The following COL5A2 variants were observed in gnomAD, a reference collection of about 807,000 sequenced individuals.
The protein encoded by COL5A2 is collagen type V alpha 2 chain.
A neutral mutation model predicts 208.2 loss-of-function variants in COL5A2; 23 were observed. That is an observed-to-expected ratio of 0.11 (90% CI 0.08 to 0.16). COL5A2 has a LOEUF of 0.16. Ranked by LOEUF, COL5A2 falls within the 10% of genes least tolerant of loss-of-function variation. The probability of loss-of-function intolerance (pLI) is 1.00; values close to 1 mark genes in which losing one functional copy is unlikely to be tolerated. For missense variants in COL5A2, 1,590 were observed against 1,956.4 expected, an observed-to-expected ratio of 0.81 and a Z score of 3.53; for synonymous variants, 625 against 628.5, an observed-to-expected ratio of 0.99 and a Z score of 0.08.
Position 189,068,207 on chromosome 2 carries a change from C to G in COL5A2, c.1302+19G>C, listed in dbSNP as rs768849298. 6 of 1,613,016 alleles carry G rather than the reference C, an allele frequency of 3.7e-6. No homozygotes were observed. In the South Asian group the frequency reaches 6.6e-5, roughly 18 times the overall value. On this transcript the variant is annotated intron_variant, in intron 20 of 53. Transcript: ENST00000374866. ...ATCATGCCCATTTGAGCTTCACATG[C>G]CATAAATGCAGTACTCACCGTTGGG...
At chr2:189,230,286 G>A (rs117324547), upstream of COL5A2, among the ~76,000 whole-genome samples, 154 of 151,830 alleles carry the variant, frequency 1.0e-3, 1 homozygote, top group East Asian at 0.027. Flanking sequence ...TGATGGATAT[G>A]ACCCTAAAAA....
chr2:189,398,478 C>A, the COL5A2 span, among the ~76,000 whole-genome samples: 1 of 152,034 alleles, frequency 6.6e-6, no homozygotes, highest in African/African-American at 2.4e-5. Flanking sequence ...ATTATTATAT[C>A]TTCCTTAAAG....
At chr2:189,372,949 C>T in the COL5A2 span, among the ~76,000 whole-genome samples, 7 of 152,212 alleles carry the variant, frequency 4.6e-5, no homozygotes, top group South Asian at 4.1e-4. Context: ...CTCTCTCATC[C>T]GAAGCTAAGA....
chr2:189,399,762 T>C, the COL5A2 span, among the ~76,000 whole-genome samples: 1 of 152,078 alleles, frequency 6.6e-6, no homozygotes, highest in Non-Finnish European at 1.5e-5. Context: ...TGCAGCAGTG[T>C]GATCATGGCT....
At chr2:189,428,612 C>G in the COL5A2 span, among the ~76,000 whole-genome samples, 1 of 151,700 alleles carries the variant, frequency 6.6e-6, no homozygotes, top group African/African-American at 2.4e-5. Flanking sequence ...AGTGAGACTC[C>G]GTCTGAAAAA....
At chr2:189,089,932 A>G (rs1233942190) in intron 7 of COL5A2, among the ~76,000 whole-genome samples, 1 of 152,174 alleles carries the variant, frequency 6.6e-6, no homozygotes, top group African/African-American at 2.4e-5. Flanking sequence ...ACACAACAAC[A>G]TTAAAATTAG....
chr2:189,430,344 T>G, the COL5A2 span, among the ~76,000 whole-genome samples: 1 of 151,830 alleles, frequency 6.6e-6, no homozygotes, highest in Non-Finnish European at 1.5e-5. Context: ...GCTACATGAG[T>G]GAGAGGAAAA....
rs185728980 is a variant in COL5A2, at chr2:189,211,670, A to C, written c.-42+13478T>G. On this transcript the variant is annotated intron_variant, in intron 1 of 10. Transcript: ENST00000649966. ...TAAAAATCAAGTAACAAAAACTAAA[A>C]AACAATGAAGTAATATTTCTTACAT... Among the ~76,000 whole-genome samples the C allele has an allele frequency of 5.1e-3, 781 of 152,312 alleles. 6 individuals carry two copies. Among genetic ancestry groups the C allele is most frequent in the Non-Finnish European group, 8.2e-3 (560 of 68,022 alleles).
intron 1 of COL5A2, among the ~76,000 whole-genome samples, chr2:189,210,067 A>T (rs1363554768): frequency 2.0e-5 from 3 of 152,218 alleles, no homozygotes; most frequent in African/African-American, 7.2e-5. Flanking sequence ...TTTTTTCTAC[A>T]TAAAGAATAG....
At chr2:189,309,990 G>C in the COL5A2 span, among the ~76,000 whole-genome samples, 1 of 152,118 alleles carries the variant, frequency 6.6e-6, no homozygotes, top group Non-Finnish European at 1.5e-5. Flanking sequence ...ATGACTAAAA[G>C]AAAAAGAAAG....
At chr2:189,243,072 T>G in the COL5A2 span, among the ~76,000 whole-genome samples, 1 of 152,074 alleles carries the variant, frequency 6.6e-6, no homozygotes, top group Non-Finnish European at 1.5e-5. Context: ...ATATCACCAC[T>G]TAGGAAGGGA....
chr2:189,383,512 G>A, the COL5A2 span, among the ~76,000 whole-genome samples: 1 of 152,002 alleles, frequency 6.6e-6, no homozygotes, highest in Admixed American at 6.6e-5. Flanking sequence ...GTCCATAATA[G>A]GTTCTAAAAA....
chr2:189,231,374 G>A, the COL5A2 span, among the ~76,000 whole-genome samples: 1 of 151,684 alleles, frequency 6.6e-6, no homozygotes, highest in East Asian at 1.9e-4. Flanking sequence ...CTTTACCAGG[G>A]ATAGTAGGAA....
At chr2:189,328,238 A>G in the COL5A2 span, among the ~76,000 whole-genome samples, 1 of 152,182 alleles carries the variant, frequency 6.6e-6, no homozygotes. Flanking sequence ...TATTTAACTA[A>G]TAATACTTCC....
chr2:189,086,874 G>T, intron 8 of COL5A2, 104 bp from the exon 9 acceptor site: 1 of 923,824 alleles, frequency 1.1e-6, no homozygotes, highest in South Asian at 1.4e-5. Flanking sequence ...GTGAAGTTTT[G>T]ACAAAGGGGG....
the COL5A2 span, among the ~76,000 whole-genome samples, chr2:189,288,879 A>G: frequency 1.3e-5 from 2 of 152,166 alleles, no homozygotes; most frequent in Non-Finnish European, 2.9e-5. Context: ...GAATTTATCT[A>G]TGGGATCCAA....
Position 189,169,481 on chromosome 2 carries a change from T to C in COL5A2, c.97+10027A>G, listed in dbSNP as rs139593431. ...AAATAATACAATATGGCCTTTTTAT[T>C]TGAACAGTAAAAATTTTAAATGGGT... On this transcript the variant is annotated intron_variant, in intron 1 of 53. Transcript: ENST00000374866. Among the ~76,000 whole-genome samples, 988 of 152,284 alleles carry C rather than the reference T, an allele frequency of 6.5e-3. 10 individuals are homozygous for C. Among genetic ancestry groups the C allele is most frequent in the African/African-American group, 0.023 (949 of 41,562 alleles).
At chr2:189,049,719 C>T (rs911935250) in intron 43 of COL5A2, among the ~76,000 whole-genome samples, 1 of 152,184 alleles carries the variant, frequency 6.6e-6, no homozygotes, top group Non-Finnish European at 1.5e-5. Flanking sequence ...ATCATGTGTA[C>T]CATAGGTGAT....
At chr2:189,115,407 G>GA (rs35939845) in intron 1 of COL5A2, among the ~76,000 whole-genome samples, 1,718 of 142,652 alleles carry the variant, frequency 0.012, 25 homozygotes, top group African/African-American at 0.037. Context: ...ACCTGTGGGG[G>GA]AAAAAAAAAA....
Sources: allele counts gnomAD v4.1 joint callset (sites outside exome capture counted in the v4.1 genomes callset), GRCh38; gene constraint gnomAD v4.1.1; transcripts MANE v1.5; gene names NCBI Gene and HGNC (gene_info 2026-07-23, HGNC 2026-07-21).